The following UBE2V2 variants were observed in gnomAD, a reference collection of about 807,000 sequenced individuals.
The protein encoded by UBE2V2 is ubiquitin conjugating enzyme E2 V2.
A neutral mutation model predicts 17.2 loss-of-function variants in UBE2V2; 9 were observed. The ratio of observed to expected loss-of-function variants is 0.52; its 90% CI spans 0.32 to 0.91. The LOEUF is 0.91. UBE2V2 is among the 40% of genes least tolerant of loss of function. The probability of loss-of-function intolerance (pLI) is 0.04; values close to 1 mark genes in which losing one functional copy is unlikely to be tolerated. For synonymous variants in UBE2V2, 61 were observed against 57.5 expected, an observed-to-expected ratio of 1.06 and a Z score of -0.28; for missense variants, 133 against 182.6, an observed-to-expected ratio of 0.73 and a Z score of 1.56.
At chr8:48,056,489 G>A (rs2091572478) in intron 3 of UBE2V2, among the ~76,000 whole-genome samples, 1 of 152,098 alleles carries the variant, frequency 6.6e-6, no homozygotes, top group Non-Finnish European at 1.5e-5. Flanking sequence ...CAGGTTCCCA[G>A]CTTCTCCACA....
intron 1 of UBE2V2, among the ~76,000 whole-genome samples, chr8:48,037,753 A>G (rs1288369364): frequency 6.6e-6 from 1 of 152,254 alleles, no homozygotes; most frequent in East Asian, 1.9e-4. Context: ...AAATAAAACC[A>G]AAGAATTACA....
intron 1 of UBE2V2, among the ~76,000 whole-genome samples, chr8:48,039,439 C>T (rs574238856): frequency 6.6e-6 from 1 of 152,282 alleles, no homozygotes; most frequent in Non-Finnish European, 1.5e-5. Context: ...TGAGGTTGAA[C>T]ATATTTTTAT....
At chr8:48,035,770 T>C (rs1405507203) in intron 1 of UBE2V2, among the ~76,000 whole-genome samples, 2 of 138,326 alleles carry the variant, frequency 1.4e-5, no homozygotes, top group East Asian at 2.4e-4. Flanking sequence ...CATGCCACTA[T>C]GCCAGAGCTA....
intron 3 of UBE2V2, 80 bp from the exon 4 acceptor site, chr8:48,060,602 C>G (rs1802578349): frequency 7.7e-7 from 1 of 1,290,684 alleles, no homozygotes; most frequent in South Asian, 3.0e-5. Flanking sequence ...CAAAATCATT[C>G]TTATTAAAAT....
At chr8:48,014,560 G>A (rs1263535523) in intron 1 of UBE2V2, among the ~76,000 whole-genome samples, 1 of 150,810 alleles carries the variant, frequency 6.6e-6, no homozygotes, top group Non-Finnish European at 1.5e-5. Flanking sequence ...CAGGAGAATG[G>A]TGTGAACCTG....
intron 3 of UBE2V2, among the ~76,000 whole-genome samples, chr8:48,056,021 G>C (rs979232726): frequency 1.3e-5 from 2 of 152,160 alleles, no homozygotes; most frequent in African/African-American, 4.8e-5. Flanking sequence ...GCCTCCCAAA[G>C]TGCTGGGATT....
intron 1 of UBE2V2, among the ~76,000 whole-genome samples, chr8:48,038,052 C>G (rs1484102948): frequency 6.6e-6 from 1 of 152,202 alleles, no homozygotes; most frequent in African/African-American, 2.4e-5. Context: ...TTCTCTCTCT[C>G]TTTTGTAATG....
chr8:48,028,717 C>T (rs2091363265), intron 1 of UBE2V2, among the ~76,000 whole-genome samples: 1 of 152,084 alleles, frequency 6.6e-6, no homozygotes, highest in Non-Finnish European at 1.5e-5. Context: ...AACTCCTGAC[C>T]TCAAGTGATC....
intron 2 of UBE2V2, among the ~76,000 whole-genome samples, chr8:48,048,169 G>A (rs1001107533): frequency 6.6e-6 from 1 of 152,132 alleles, no homozygotes; most frequent in Non-Finnish European, 1.5e-5. Context: ...AGAGATTTGC[G>A]TGTTGTAGAG....
At chr8:48,002,876 C>T in the UBE2V2 span, among the ~76,000 whole-genome samples, 2 of 151,776 alleles carry the variant, frequency 1.3e-5, no homozygotes, top group East Asian at 2.0e-4. Flanking sequence ...TTAGCCATTC[C>T]GTAATGTATA....
rs1296505641 is a variant in UBE2V2, at chr8:48,011,092, A to T, written c.16+2622A>T. ...TTGTTTGCTTTTTGGTAACATGGGAAGTAAATAGTACCTGTGTATTTGTGA... is the reference window on the plus strand; with the variant it reads ...TTGTTTGCTTTTTGGTAACATGGGATGTAAATAGTACCTGTGTATTTGTGA... On this transcript the variant is annotated intron_variant, in intron 1 of 3. Coordinates refer to ENST00000523111, the MANE Select transcript of UBE2V2 (RefSeq NM_003350.3). Among the ~76,000 whole-genome samples the T allele has an allele frequency of 5.7e-4, 87 of 152,110 alleles. 1 individual carries two copies. The highest frequency in any genetic ancestry group is 1.5e-5 in the Non-Finnish European group (1 of 68,030).
upstream of UBE2V2, chr8:48,008,318 G>A (rs989760376): frequency 8.3e-7 from 1 of 1,208,514 alleles, no homozygotes; most frequent in Non-Finnish European, 1.1e-6. Flanking sequence ...CGGCCCACGT[G>A]CGCGCTGTCC....
chr8:48,056,448 G>A (rs1255398544), intron 3 of UBE2V2, among the ~76,000 whole-genome samples: 1 of 152,102 alleles, frequency 6.6e-6, no homozygotes, highest in Non-Finnish European at 1.5e-5. Context: ...AAAGTGAATA[G>A]GCCATCTTAC....
At chr8:48,035,275 C>A (rs1175373064) in intron 1 of UBE2V2, among the ~76,000 whole-genome samples, 2 of 151,736 alleles carry the variant, frequency 1.3e-5, no homozygotes, top group East Asian at 3.9e-4. Context: ...ACCACCATGC[C>A]CAGCTAATTT....
chr8:48,056,763 G>T (rs538096303), intron 3 of UBE2V2, among the ~76,000 whole-genome samples: 2 of 152,048 alleles, frequency 1.3e-5, no homozygotes, highest in Non-Finnish European at 2.9e-5. Flanking sequence ...TTGCTGTGCC[G>T]CCCAGGCTGG....
rs1238235601 is a variant in UBE2V2 at position 48,064,344 on chromosome 8, A to G, written c.*3516A>G. ...TATTGTCACACACACACAAAATTCA[A>G]CTCCTCAAGGTTTGGGAAAATTGTG... On this transcript the variant is annotated 3_prime_UTR_variant, in exon 4 of 4. Transcript: ENST00000523111. 9.2e-5 allele frequency: 14 copies of G among 152,132 alleles called. No individual in the cohort carries two copies. Among genetic ancestry groups the G allele is most frequent in the Admixed American group, 9.2e-4 (14 of 15,256 alleles). 9.4% of individuals were successfully genotyped at this position (152,132 alleles called of 1,614,324 possible).
intron 1 of UBE2V2, among the ~76,000 whole-genome samples, chr8:48,028,653 T>G (rs1009978051): frequency 6.6e-6 from 1 of 151,586 alleles, no homozygotes; most frequent in Non-Finnish European, 1.5e-5. Flanking sequence ...CAGCTAATTT[T>G]TTTTGTAGTT....
intron 1 of UBE2V2, among the ~76,000 whole-genome samples, chr8:48,026,828 T>A (rs1252269255): frequency 1.3e-5 from 2 of 152,224 alleles, no homozygotes; most frequent in African/African-American, 4.8e-5. Context: ...ATGTTGGTGG[T>A]GTTTTCCACC....
chr8:48,010,089 A>AAT (rs2091216957), intron 1 of UBE2V2, among the ~76,000 whole-genome samples: 1 of 152,156 alleles, frequency 6.6e-6, no homozygotes, highest in Non-Finnish European at 1.5e-5. Flanking sequence ...ACTATACATG[A>AAT]GTGTATGTTA....
Sources: gnomAD v4.1 joint callset for allele counts (sites outside exome capture counted in the v4.1 genomes callset) on GRCh38, gnomAD v4.1.1 for gene constraint, MANE v1.5 for transcripts, NCBI Gene and HGNC (gene_info 2026-07-23, HGNC 2026-07-21) for gene names.